The following NOXA1 variants were observed in gnomAD, a reference collection of about 807,000 sequenced individuals.
The protein encoded by NOXA1 is NCF2-like protein.
NOXA1 carries 56 observed loss-of-function variants against 64.8 expected under a neutral mutation model. The observed-to-expected ratio is 0.86, with a 90% CI of 0.70 to 1.08. The LOEUF (loss-of-function observed/expected upper bound fraction) is 1.08, where lower values mean the gene tolerates loss of function less well. Among genes scored for constraint, NOXA1 ranks in the 50% least tolerant of loss-of-function variants. NOXA1 has a pLI of 0.00. For missense variants in NOXA1, 668 were observed against 658.5 expected (o/e 1.01, Z -0.16); for synonymous variants, 295 against 294.8 (o/e 1.00, Z -0.01).
chr9:137,432,930 G>C, intron 8 of NOXA1, 99 bp from the exon 9 acceptor site: 2 of 1,334,748 alleles, frequency 1.5e-6, no homozygotes, highest in South Asian at 1.3e-5. Context: ...GGTGCTGGCC[G>C]GGCACACAGG....
chr9:137,427,203 A>G (rs1838875534), intron 2 of NOXA1, among the ~76,000 whole-genome samples: 1 of 152,226 alleles, frequency 6.6e-6, no homozygotes, highest in African/African-American at 2.4e-5. Flanking sequence ...TTTCAAGCAC[A>G]AATTCATGCA....
rs1839236206 is a variant in NOXA1, at chr9:137,433,870, C to T, written c.1179+6C>T. Reference sequence around the variant, plus strand: ...GGCTGCAGCTGCAGTGCAGGGTGAGCCAAGGGCGAGGCAGGGGCAGGGGCA... The same window carrying T: ...GGCTGCAGCTGCAGTGCAGGGTGAGTCAAGGGCGAGGCAGGGGCAGGGGCA... On this transcript the variant is annotated splice_donor_region_variant and intron_variant, in intron 12 of 13. Coordinates refer to ENST00000683555, the MANE Select transcript of NOXA1 (RefSeq NM_001256067.2). 2.0e-6 allele frequency: 3 copies of T among 1,465,662 alleles called. No individual in the cohort carries two copies. The highest frequency in any genetic ancestry group is 2.7e-6 in the Non-Finnish European group (3 of 1,107,126). 90.8% of individuals were successfully genotyped at this position (1,465,662 alleles called of 1,614,324 possible).
Position 137,423,717 on chromosome 9 carries a change from CGT to C in NOXA1, c.177+13_177+14del. The stretch of plus-strand genomic sequence containing the variant: ...GAGGCCGCGCTGCGGGTGAGCGGGG[CGT>C]GGGGAGGCCGGTGCGGGCGACGCCT... On this transcript the variant is annotated intron_variant, in intron 1 of 13. Transcript: ENST00000683555. The C allele has an allele frequency of 7.9e-7, 1 of 1,268,914 alleles. No homozygotes were observed. The highest frequency in any genetic ancestry group is 9.9e-7 in the Non-Finnish European group (1 of 1,010,334). 78.6% of individuals were successfully genotyped at this position (1,268,914 alleles called of 1,614,324 possible).
At chr9:137,434,145 G>T (rs1839259195) in intron 13 of NOXA1, 66 bp downstream of exon 13, 4 of 1,581,008 alleles carry the variant, frequency 2.5e-6, no homozygotes, top group Non-Finnish European at 3.4e-6. Flanking sequence ...CTTAGAGCTC[G>T]GCCTGTGCTG....
chr9:137,428,881 G>A lies in NOXA1; in HGVS notation c.370-1G>A, dbSNP rs1838962395. 1 of 1,576,694 alleles carries A rather than the reference G, an allele frequency of 6.3e-7. No homozygotes were observed. The highest frequency in any genetic ancestry group is 8.6e-7 in the Non-Finnish European group (1 of 1,163,416). On this transcript the variant is annotated splice_acceptor_variant, in intron 3 of 13. Coordinates refer to ENST00000683555, the MANE Select transcript of NOXA1 (RefSeq NM_001256067.2). LOFTEE classifies it high-confidence loss of function. ...TGCCATCACCTTGGCCCCACTCCCA[G>A]GTGCTACACAATGTGGCGTCGGCAC...
intron 5 of NOXA1, among the ~76,000 whole-genome samples, chr9:137,429,856 GGGGGGTC>G: frequency 9.3e-6 from 1 of 107,520 alleles, no homozygotes; most frequent in East Asian, 3.2e-4. Flanking sequence ...TCCCGGGGGG[GGGGGGTC>G]CCTGCGTCCC....
intron 13 of NOXA1, 21 bp from the exon 14 acceptor site, chr9:137,434,202 GA>G: frequency 6.2e-7 from 1 of 1,601,068 alleles, no homozygotes; most frequent in Non-Finnish European, 8.5e-7. Context: ...ACGCCCTGCA[GA>G]GCCCGATGTC....
In NOXA1 at chr9:137,434,308, T is replaced by A; in HGVS notation, c.1379T>A (p.Met460Lys). The A allele has an allele frequency of 6.2e-7, 1 of 1,609,986 alleles. No homozygotes were observed. Among genetic ancestry groups the A allele is most frequent in the South Asian group, 1.1e-5 (1 of 90,960 alleles). ...KCFVVPAGPR[M>K]SGAPGRLPRS... ...TTCGTGGTCCCCGCCGGCCCTCGGA[T>A]GTCAGGAGCCCCCGGCCGCCTGCCC... is the stretch of plus-strand genomic sequence containing the variant. Residue 460 changes from methionine to lysine, a missense_variant, in exon 14 of 14, where the codon ATG (methionine) becomes AAG (lysine). Physicochemically the swap from Met to Lys is moderately conservative, Grantham distance 95 (BLOSUM62 -1). Coordinates refer to ENST00000683555, the MANE Select transcript of NOXA1 (RefSeq NM_001256067.2).
At chr9:137,430,725 G>A in intron 5 of NOXA1, 59 bp from the exon 6 acceptor site, 1 of 1,468,888 alleles carries the variant, frequency 6.8e-7, no homozygotes, top group Non-Finnish European at 9.1e-7. Context: ...GCGGGCTGCA[G>A]GGAGCAGACC....
At position 137,431,034 on chromosome 9, in the gene NOXA1, C is replaced by T. The variant is rs772808118; in HGVS notation, c.673-41C>T. On this transcript the variant is annotated intron_variant, in intron 6 of 13. Coordinates refer to ENST00000683555, the MANE Select transcript of NOXA1 (RefSeq NM_001256067.2). The surrounding 1 kb of genome is among the most constrained non-coding windows in gnomAD (Gnocchi z 5.6). ...GTTCAGGAGGAGGGAGGGCGGCCCC[C>T]GACCCTTAACCAGAGCGAGGTTGTT... 4 of 1,612,978 alleles carry T rather than the reference C, an allele frequency of 2.5e-6. No individual in the cohort carries two copies. The highest frequency in any genetic ancestry group is 3.4e-6 in the Non-Finnish European group (4 of 1,179,890).
intron 4 of NOXA1, 57 bp from the exon 5 acceptor site, chr9:137,429,219 G>A (rs977541826): frequency 3.6e-6 from 5 of 1,389,914 alleles, no homozygotes; most frequent in Non-Finnish European, 4.9e-6. Flanking sequence ...GGGGCTCTGC[G>A]GCTGCAGGCC....
intron 5 of NOXA1, among the ~76,000 whole-genome samples, chr9:137,430,372 G>T (rs1371640601): frequency 1.3e-5 from 2 of 151,970 alleles, no homozygotes; most frequent in African/African-American, 2.4e-5. Flanking sequence ...GCCACGCCCC[G>T]GACTGGCCAC....
rs1354805460 is a variant in NOXA1, at chr9:137,431,537, A to G, written c.804+196A>G. 1.3e-5 allele frequency among the ~76,000 whole-genome samples: 2 copies of G among 152,182 alleles called. No homozygotes were observed. Among genetic ancestry groups the G allele is most frequent in the African/African-American group, 2.4e-5 (1 of 41,452 alleles). ...CTGGCTGTGCCCGAGGCGAGTGGGCATTGGCCATCAGGACAGGAGAGAGGT... is the reference window on the plus strand; with the variant it reads ...CTGGCTGTGCCCGAGGCGAGTGGGCGTTGGCCATCAGGACAGGAGAGAGGT... On this transcript the variant is annotated intron_variant, in intron 8 of 13. Coordinates refer to ENST00000683555, the MANE Select transcript of NOXA1 (RefSeq NM_001256067.2). The surrounding 1 kb of genome is among the most constrained non-coding windows in gnomAD (Gnocchi z 5.6).
At position 137,423,434 on chromosome 9, in the gene NOXA1, G is replaced by A. The variant is rs911014534; in HGVS notation, c.-96G>A. The A allele has an allele frequency of 3.3e-5, 27 of 806,440 alleles. No individual in the cohort carries two copies. The African/African-American group carries it at 4.8e-4, about 14-fold the overall frequency. 50.0% of individuals were successfully genotyped at this position (806,440 alleles called of 1,614,324 possible). A position where few individuals can be genotyped will look rare whatever the true frequency, so the allele number is the denominator to read the frequency against. Reference sequence around the variant, plus strand: ...GCGCTTGGCGCCCGCACCTCTGCCCGCCTCGGAGACCCCGCAGCCCCGCGC... The same window carrying A: ...GCGCTTGGCGCCCGCACCTCTGCCCACCTCGGAGACCCCGCAGCCCCGCGC... On this transcript the variant is annotated 5_prime_UTR_variant, in exon 1 of 14. Transcript: ENST00000683555.
At position 137,429,267 on chromosome 9, in the gene NOXA1, C is replaced by T. The variant is rs1266207832; in HGVS notation, c.505-9C>T. The T allele has an allele frequency of 2.6e-6, 4 of 1,534,730 alleles. No homozygotes were observed. Among genetic ancestry groups the T allele is most frequent in the Non-Finnish European group, 3.5e-6 (4 of 1,136,090 alleles). Reference sequence around the variant, plus strand: ...CCGTCTGCATCTGCTGGATACCCACCCCCTCCAGAGACGGGGCTCACTGCC... The same window carrying T: ...CCGTCTGCATCTGCTGGATACCCACTCCCTCCAGAGACGGGGCTCACTGCC... On this transcript the variant is annotated splice_polypyrimidine_tract_variant and intron_variant, in intron 4 of 13. Coordinates refer to ENST00000683555, the MANE Select transcript of NOXA1 (RefSeq NM_001256067.2).
At chr9:137,433,387 C>G in intron 10 of NOXA1, 66 bp from the exon 11 acceptor site, 1 of 1,527,282 alleles carries the variant, frequency 6.5e-7, no homozygotes. Flanking sequence ...ACCCCTCGGG[C>G]TGAAGACGGC....
chr9:137,427,696 G>A (rs1190444955), intron 2 of NOXA1, among the ~76,000 whole-genome samples: 1 of 152,240 alleles, frequency 6.6e-6, no homozygotes, highest in Non-Finnish European at 1.5e-5. Context: ...AGCCCCCATG[G>A]GGTGGGGGGC....
In NOXA1 at chr9:137,431,731, C is replaced by T. The variant is rs895385069; in HGVS notation, c.804+390C>T. Among the ~76,000 whole-genome samples the T allele has an allele frequency of 6.6e-6, 1 of 152,136 alleles. No individual in the cohort carries two copies. The highest frequency in any genetic ancestry group is 2.4e-5 in the African/African-American group (1 of 41,418). On this transcript the variant is annotated intron_variant, in intron 8 of 13. Coordinates refer to ENST00000683555, the MANE Select transcript of NOXA1 (RefSeq NM_001256067.2). This position sits in a 1 kb window ranked among gnomAD's most constrained non-coding sequence, Gnocchi z 5.6. ...CTGGAGGGGCCCCAAGGCTCCCGCC[C>T]CCCATGGGGGCCCAGCAGCGACTCC...
Position 137,431,322 on chromosome 9 carries a change from C to T in NOXA1, c.785C>T (p.Ser262Leu), listed in dbSNP as rs371771451. The T allele has an allele frequency of 6.8e-6, 11 of 1,610,122 alleles. No individual in the cohort carries two copies. In the East Asian group the frequency reaches 1.1e-4, roughly 16 times the overall value. ...GAGGTCGGTGCTGACCGCTGCACGT[C>T]GACTGCCTACCAGGAGCAGGTGCGT... ...ETEVGADRCT[S>L]TAYQEQRPQV... Residue 262 changes from serine (S) to leucine (L), a missense_variant, in exon 8 of 14, where the codon TCG becomes TTG. By Grantham distance (145) the Ser-to-Leu change is moderately radical. Transcript: ENST00000683555. The surrounding 1 kb of genome is among the most constrained non-coding windows in gnomAD (Gnocchi z 5.6).
Sources: allele counts gnomAD v4.1 joint callset (sites outside exome capture counted in the v4.1 genomes callset), GRCh38; gene constraint gnomAD v4.1.1; non-coding constraint Gnocchi (gnomAD v3.1); transcripts MANE v1.5; gene names NCBI Gene and HGNC (gene_info 2026-07-23, HGNC 2026-07-21).